PRICKLE2: variants seen among roughly 807,000 people sequenced by gnomAD.
The protein encoded by PRICKLE2 is prickle-like protein 2.
Under a neutral mutation model 81.4 loss-of-function variants are expected in PRICKLE2, and 21 were observed. That is an observed-to-expected ratio of 0.26 (90% confidence interval 0.18 to 0.37). The LOEUF is 0.37. PRICKLE2 is among the 10% of genes least tolerant of loss of function. PRICKLE2 has a pLI of 1.00. For synonymous variants in PRICKLE2, 456 were observed against 421.5 expected (o/e 1.08, Z -1.00); for missense variants, 940 against 1,109.0 (o/e 0.85, Z 2.16).
At chr3:64,172,279 C>G (rs889538320) in intron 2 of PRICKLE2, among the ~76,000 whole-genome samples, 3 of 152,228 alleles carry the variant, frequency 2.0e-5, no homozygotes, top group African/African-American at 7.2e-5. Flanking sequence ...AGATTGTCTA[C>G]GCATTTGCGT....
upstream of PRICKLE2, among the ~76,000 whole-genome samples, chr3:64,226,958 G>A (rs2079040723): frequency 6.6e-6 from 1 of 152,212 alleles, no homozygotes; most frequent in Non-Finnish European, 1.5e-5. Flanking sequence ...ACGGCTCCTT[G>A]CCCACACTCC....
chr3:64,181,218 A>C (rs2078127158), intron 2 of PRICKLE2, among the ~76,000 whole-genome samples: 1 of 152,146 alleles, frequency 6.6e-6, no homozygotes, highest in African/African-American at 2.4e-5. Context: ...TTCCTGGCTC[A>C]CGACAGAGTC....
At chr3:64,250,107 C>T (rs1178556981) in intron 2 of PRICKLE2, among the ~76,000 whole-genome samples, 1 of 152,242 alleles carries the variant, frequency 6.6e-6, no homozygotes, top group Admixed American at 6.5e-5. Context: ...CACAGCATCA[C>T]CAATCAGCAA....
chr3:64,261,821 C>T (rs899174087), intron 2 of PRICKLE2, among the ~76,000 whole-genome samples: 4 of 152,154 alleles, frequency 2.6e-5, no homozygotes, highest in Admixed American at 6.5e-5. Context: ...TCACAGGTCA[C>T]GGCAAAGTGT....
intron 2 of PRICKLE2, among the ~76,000 whole-genome samples, chr3:64,195,251 T>A (rs1408208967): frequency 6.6e-6 from 1 of 152,206 alleles, no homozygotes; most frequent in East Asian, 1.9e-4. Flanking sequence ...GTTATATTTA[T>A]TATTTTCCCA....
chr3:64,202,060 T>C (rs2078591565), intron 1 of PRICKLE2, among the ~76,000 whole-genome samples: 2 of 152,330 alleles, frequency 1.3e-5, no homozygotes, highest in South Asian at 4.1e-4. Context: ...AAGAGTTTAT[T>C]CTGGACATTC....
Position 64,222,181 on chromosome 3 carries a change from T to C in PRICKLE2, c.-41+2729A>G, listed in dbSNP as rs537571732. Among the ~76,000 whole-genome samples the C allele has an allele frequency of 5.2e-4, 79 of 152,250 alleles. 1 individual carries two copies. In the South Asian group the frequency reaches 0.015, roughly 30 times the overall value. On this transcript the variant is annotated intron_variant, in intron 1 of 7. Coordinates refer to ENST00000638394, the MANE Select transcript of PRICKLE2 (RefSeq NM_198859.4). Reference sequence around the variant, plus strand: ...CAGGGGACTTTATTTCCAATATTCATATGAGGAAGCCAAAGTTCAGAGAGG... The same window carrying C: ...CAGGGGACTTTATTTCCAATATTCACATGAGGAAGCCAAAGTTCAGAGAGG...
At chr3:64,107,479 G>A (rs1040429335) in intron 7 of PRICKLE2, among the ~76,000 whole-genome samples, 19 of 152,164 alleles carry the variant, frequency 1.2e-4, no homozygotes, top group African/African-American at 4.6e-4. Flanking sequence ...ACATCTTTCT[G>A]TTCCTTATTT....
intron 7 of PRICKLE2, among the ~76,000 whole-genome samples, chr3:64,143,556 C>T (rs953438881): frequency 8.5e-5 from 13 of 152,180 alleles, no homozygotes; most frequent in African/African-American, 1.2e-4. Flanking sequence ...CTGATTTCCT[C>T]ATGAGCCACA....
chr3:64,146,567 C>G (rs2077456467), intron 7 of PRICKLE2: 1 of 420,782 alleles, frequency 2.4e-6, no homozygotes, highest in East Asian at 4.9e-5. Flanking sequence ...CACGGTGAAA[C>G]ACGTGTGTAC....
chr3:64,144,764 C>G (rs1490044379), intron 7 of PRICKLE2, among the ~76,000 whole-genome samples: 1 of 152,216 alleles, frequency 6.6e-6, no homozygotes, highest in African/African-American at 2.4e-5. Context: ...AGACACAGCA[C>G]AAAGCACAAA....
At position 64,266,513 on chromosome 3, in the gene PRICKLE2, T is replaced by C. The variant is rs553613155; in HGVS notation, c.129-67546A>G. ...CCCTAACCCCCACTTTTTGGCCCCA[T>C]GGGAAGATGCTTTATTGTAGGATGA... is the stretch of plus-strand genomic sequence containing the variant. On this transcript the variant is annotated intron_variant, in intron 2 of 8. Transcript: ENST00000295902. Among the ~76,000 whole-genome samples, 3 of 152,258 alleles carry C rather than the reference T, an allele frequency of 2.0e-5. No homozygotes were observed. The South Asian group carries it at 6.2e-4, about 32-fold the overall frequency.
upstream of PRICKLE2, among the ~76,000 whole-genome samples, chr3:64,226,075 G>A (rs2079027931): frequency 6.6e-6 from 1 of 152,078 alleles, no homozygotes; most frequent in South Asian, 2.1e-4. Flanking sequence ...CCAACTGCAT[G>A]CAGAAGAAGA....
At chr3:64,261,939 A>G (rs1173935898) in intron 2 of PRICKLE2, among the ~76,000 whole-genome samples, 2 of 152,206 alleles carry the variant, frequency 1.3e-5, no homozygotes, top group Admixed American at 1.3e-4. Flanking sequence ...GAAGGTTGTC[A>G]AGTAATCAAG....
intron 1 of PRICKLE2, among the ~76,000 whole-genome samples, chr3:64,210,440 G>T (rs1428084856): frequency 6.6e-6 from 1 of 152,134 alleles, no homozygotes; most frequent in Non-Finnish European, 1.5e-5. Context: ...CTCAAGGGCG[G>T]AGACTGTGAC....
In PRICKLE2 at chr3:64,266,455, T is replaced by C. The variant is rs187846543; in HGVS notation, c.129-67488A>G. 7.4e-4 allele frequency among the ~76,000 whole-genome samples: 113 copies of C among 152,308 alleles called. 1 individual carries two copies. The East Asian group carries it at 0.016, about 21-fold the overall frequency. The stretch of plus-strand genomic sequence containing the variant: ...AATCCAGAGAGAGCTGGGTAGTCAG[T>C]GACTAAGAACACAGGATCATTTTTA... On this transcript the variant is annotated intron_variant, in intron 2 of 8. Transcript: ENST00000295902.
chr3:64,182,901 A>G (rs1273109078), intron 2 of PRICKLE2, among the ~76,000 whole-genome samples: 1 of 152,146 alleles, frequency 6.6e-6, no homozygotes, highest in Admixed American at 6.6e-5. Flanking sequence ...AAAATAGAAC[A>G]CAAGAAAACA....
rs1025553645 is a variant in PRICKLE2, at chr3:64,191,562, G to A, written c.144+7222C>T. On this transcript the variant is annotated intron_variant, in intron 2 of 7. Coordinates refer to ENST00000638394, the MANE Select transcript of PRICKLE2 (RefSeq NM_198859.4). Reference sequence around the variant, plus strand: ...CTGAGCCTTGCTTTACTCACCCTACGGTGAAGACAGGAAGAGTAATTACTA... The same window carrying A: ...CTGAGCCTTGCTTTACTCACCCTACAGTGAAGACAGGAAGAGTAATTACTA... Among the ~76,000 whole-genome samples the A allele has an allele frequency of 1.4e-4, 21 of 152,254 alleles. No individual in the cohort carries two copies. The East Asian group carries it at 1.7e-3, about 13-fold the overall frequency.
At chr3:64,258,468 G>C (rs2079560074) in intron 2 of PRICKLE2, among the ~76,000 whole-genome samples, 1 of 152,160 alleles carries the variant, frequency 6.6e-6, no homozygotes, top group Non-Finnish European at 1.5e-5. Context: ...AGGTATGCAA[G>C]AGTACATATT....
Sources: allele counts gnomAD v4.1 joint callset (sites outside exome capture counted in the v4.1 genomes callset), GRCh38; gene constraint gnomAD v4.1.1; transcripts MANE v1.5; gene names NCBI Gene and HGNC (gene_info 2026-07-23, HGNC 2026-07-21).